SKAP1: variants seen among roughly 807,000 people sequenced by gnomAD.
The protein encoded by SKAP1 is src kinase-associated phosphoprotein 1.
Under a neutral mutation model 58.5 loss-of-function variants are expected in SKAP1, and 44 were observed. That is an observed-to-expected ratio of 0.75 (90% CI 0.59 to 0.97). The LOEUF is 0.97. Among genes scored for constraint, SKAP1 ranks in the 50% least tolerant of loss-of-function variants. The pLI is 0.00. For missense variants in SKAP1, 390 were observed against 435.2 expected, an observed-to-expected ratio of 0.90 and a Z score of 0.92; for synonymous variants, 127 against 149.7, an observed-to-expected ratio of 0.85 and a Z score of 1.11.
At chr17:48,287,131 A>C (rs1399297464) in intron 4 of SKAP1, among the ~76,000 whole-genome samples, 2 of 144,392 alleles carry the variant, frequency 1.4e-5, no homozygotes, top group Admixed American at 1.4e-4. Context: ...ATAAATAAAT[A>C]AATAAAATAA....
intron 4 of SKAP1, among the ~76,000 whole-genome samples, chr17:48,312,484 A>C (rs572452371): frequency 1.3e-5 from 2 of 152,372 alleles, no homozygotes; most frequent in African/African-American, 4.8e-5. Flanking sequence ...AAGGGTTTCT[A>C]TAACACTATG....
At chr17:48,318,225 A>T (rs2066314740) in intron 4 of SKAP1, among the ~76,000 whole-genome samples, 1 of 152,222 alleles carries the variant, frequency 6.6e-6, no homozygotes, top group Admixed American at 6.5e-5. Context: ...CAGCAAACAG[A>T]TGTTTCAGAG....
chr17:48,227,021 T>C (rs2065076908), intron 4 of SKAP1, among the ~76,000 whole-genome samples: 1 of 152,164 alleles, frequency 6.6e-6, no homozygotes, highest in African/African-American at 2.4e-5. Context: ...TGACCTTAGC[T>C]TGGCTCTCTA....
chr17:48,431,698 T>G (rs1451134177), upstream of SKAP1, among the ~76,000 whole-genome samples: 1 of 152,236 alleles, frequency 6.6e-6, no homozygotes, highest in African/African-American at 2.4e-5. Flanking sequence ...CTCTGCCTTT[T>G]TCCTTCTTTG....
chr17:48,254,099 T>C (rs1054379582), intron 4 of SKAP1, among the ~76,000 whole-genome samples: 27 of 152,184 alleles, frequency 1.8e-4, no homozygotes, highest in African/African-American at 6.3e-4. Flanking sequence ...ATAGCAATTA[T>C]TGTACTACGT....
intron 4 of SKAP1, among the ~76,000 whole-genome samples, chr17:48,241,652 TA>T (rs2143827013): frequency 6.6e-6 from 1 of 152,268 alleles, no homozygotes; most frequent in South Asian, 2.1e-4. Flanking sequence ...AAAACAGATC[TA>T]AAACCATGCT....
chr17:48,237,729 G>A (rs1228713433), intron 4 of SKAP1, among the ~76,000 whole-genome samples: 1 of 152,114 alleles, frequency 6.6e-6, no homozygotes, highest in Non-Finnish European at 1.5e-5. Context: ...ATGGTTTTAA[G>A]GGATTTTGAA....
At chr17:48,256,501 C>T (rs938698463) in intron 4 of SKAP1, among the ~76,000 whole-genome samples, 1 of 152,056 alleles carries the variant, frequency 6.6e-6, no homozygotes, top group South Asian at 2.1e-4. Context: ...TCTGTGGCAT[C>T]ACGGAGTCAC....
At chr17:48,331,968 C>A (rs1177954302) in intron 4 of SKAP1, among the ~76,000 whole-genome samples, 1 of 152,006 alleles carries the variant, frequency 6.6e-6, no homozygotes, top group Non-Finnish European at 1.5e-5. Flanking sequence ...TCTTAACATA[C>A]CTTCCCAATA....
intron 4 of SKAP1, among the ~76,000 whole-genome samples, chr17:48,297,038 A>G (rs1598527897): frequency 6.6e-6 from 1 of 152,286 alleles, no homozygotes; most frequent in East Asian, 1.9e-4. Context: ...GATTTAAAAA[A>G]AATCCTTGTG....
chr17:48,401,128 A>G lies in SKAP1; in HGVS notation c.47-4343T>C, dbSNP rs149865103. 4.2e-3 allele frequency among the ~76,000 whole-genome samples: 640 copies of G among 152,258 alleles called. 9 individuals are homozygous for G. The highest frequency in any genetic ancestry group is 0.014 in the African/African-American group (594 of 41,542). ...CAAGACCAGACTGGTCAACACGGAG[A>G]AACCCTGTCTCTACTAAAAATACAA... On this transcript the variant is annotated intron_variant, in intron 1 of 12. Coordinates refer to ENST00000336915, the MANE Select transcript of SKAP1 (RefSeq NM_003726.4).
chr17:48,394,067 C>G (rs1232590367), intron 2 of SKAP1, among the ~76,000 whole-genome samples: 4 of 152,044 alleles, frequency 2.6e-5, no homozygotes, highest in African/African-American at 7.2e-5. Context: ...GACACCCTGT[C>G]TCTACAAAAA....
intron 2 of SKAP1, among the ~76,000 whole-genome samples, chr17:48,380,655 G>A (rs1003640186): frequency 2.6e-5 from 4 of 152,062 alleles, no homozygotes; most frequent in African/African-American, 7.2e-5. Flanking sequence ...TGGAAAATAC[G>A]ATAAAGGAAA....
intron 4 of SKAP1, among the ~76,000 whole-genome samples, chr17:48,322,557 G>C (rs1319897896): frequency 1.3e-5 from 2 of 152,224 alleles, no homozygotes; most frequent in African/African-American, 4.8e-5. Context: ...AGTGGCTGCT[G>C]TATCTATAGG....
At chr17:48,141,268 C>T (rs905346911) in intron 11 of SKAP1, among the ~76,000 whole-genome samples, 3 of 152,170 alleles carry the variant, frequency 2.0e-5, no homozygotes, top group African/African-American at 7.2e-5. Flanking sequence ...TCTTCTTCTC[C>T]ACTCTATTCA....
chr17:48,163,807 T>G (rs1388670922), intron 10 of SKAP1, among the ~76,000 whole-genome samples: 1 of 152,080 alleles, frequency 6.6e-6, no homozygotes, highest in East Asian at 1.9e-4. Flanking sequence ...ATTTAAATAA[T>G]AAAGGCACGG....
chr17:48,267,555 C>T (rs1166760245), intron 4 of SKAP1, among the ~76,000 whole-genome samples: 1 of 152,090 alleles, frequency 6.6e-6, no homozygotes, highest in African/African-American at 2.4e-5. Context: ...AATTATTGCC[C>T]TATATTAATC....
At chr17:48,412,433 T>C (rs2067676421) in intron 1 of SKAP1, among the ~76,000 whole-genome samples, 1 of 152,212 alleles carries the variant, frequency 6.6e-6, no homozygotes. Context: ...CATGAGGTAA[T>C]ATTACTCACA....
chr17:48,229,952 T>A (rs1209940733), intron 4 of SKAP1, among the ~76,000 whole-genome samples: 1 of 152,296 alleles, frequency 6.6e-6, no homozygotes, highest in South Asian at 2.1e-4. Flanking sequence ...CAGTTTTTAG[T>A]GGAAAGTGCA....
Sources: gnomAD v4.1 joint callset for allele counts (sites outside exome capture counted in the v4.1 genomes callset) on GRCh38, gnomAD v4.1.1 for gene constraint, MANE v1.5 for transcripts, NCBI Gene and HGNC (gene_info 2026-07-23, HGNC 2026-07-21) for gene names.